The following TDRD10 variants were observed in gnomAD, a reference collection of about 807,000 sequenced individuals.
TDRD10 encodes tudor domain-containing protein 10.
In TDRD10, 40 loss-of-function variants were observed where a neutral mutation model predicts 48.0. The ratio of observed to expected loss-of-function variants is 0.83; its 90% CI spans 0.65 to 1.09. TDRD10 has a LOEUF of 1.09. Among genes scored for constraint, TDRD10 ranks in the 50% least tolerant of loss-of-function variants. The pLI is 0.00. For synonymous variants in TDRD10, 162 were observed against 170.4 expected (o/e 0.95, Z 0.38); for missense variants, 378 against 434.7 (o/e 0.87, Z 1.16).
intron 11 of TDRD10, among the ~76,000 whole-genome samples, chr1:154,546,378 T>C (rs577259557): frequency 1.4e-5 from 2 of 139,340 alleles, no homozygotes; most frequent in Non-Finnish European, 3.1e-5. Context: ...GGCCAAAATA[T>C]ATATATATAT....
At chr1:154,512,695 A>G (rs1282942141) in intron 4 of TDRD10, among the ~76,000 whole-genome samples, 1 of 152,156 alleles carries the variant, frequency 6.6e-6, no homozygotes, top group Admixed American at 6.5e-5. Context: ...ACTGAGAGAC[A>G]TTGGAGCTCT....
intron 4 of TDRD10, among the ~76,000 whole-genome samples, chr1:154,510,908 T>C (rs946608589): frequency 2.1e-4 from 32 of 151,070 alleles, no homozygotes; most frequent in Non-Finnish European, 3.8e-4. Context: ...TAGCGGGGCA[T>C]GGTGGTGGGC....
Position 154,520,313 on chromosome 1 carries a change from C to A in TDRD10, c.151C>A (p.Leu51Met), listed in dbSNP as rs1281414204. Reference protein sequence around the residue: ...LPLDISKEEILYLLKDFNPLD... With the variant: ...LPLDISKEEIMYLLKDFNPLD... ...AACCCTGCTGTTGTAGGAGGAAATTCTGTACCTTCTAAAGGACTTCAACCC... is the reference window on the plus strand; with the variant it reads ...AACCCTGCTGTTGTAGGAGGAAATTATGTACCTTCTAAAGGACTTCAACCC... The change falls in exon 5 of 13, where the codon CTG (leucine) becomes ATG (methionine). Residue 51 changes from leucine (L) to methionine (M), a missense_variant. Leu to Met is a conservative substitution (Grantham distance 15). Coordinates refer to ENST00000368482, the MANE Select transcript of TDRD10 (RefSeq NM_182499.4). 1 of 1,612,986 alleles carries A rather than the reference C, an allele frequency of 6.2e-7. No individual in the cohort carries two copies. Among genetic ancestry groups the A allele is most frequent in the Non-Finnish European group, 8.5e-7 (1 of 1,178,996 alleles).
intron 8 of TDRD10, 31 bp from the exon 9 acceptor site, chr1:154,543,931 TC>T: frequency 1.2e-6 from 2 of 1,612,176 alleles, no homozygotes; most frequent in Non-Finnish European, 1.7e-6. Context: ...GTCCAGTCGT[TC>T]CTTTCCTTGC....
intron 4 of TDRD10, 136 bp from the exon 5 acceptor site, chr1:154,520,167 CA>C (rs370142650): frequency 2.1e-5 from 13 of 625,544 alleles, no homozygotes; most frequent in Non-Finnish European, 2.9e-5. Flanking sequence ...CAAAACATGG[CA>C]CGTACAGCAC....
Position 154,531,708 on chromosome 1 carries a change from C to G in TDRD10, c.369+10229C>G, listed in dbSNP as rs545333105. ...AGCTTCCACAGTGCGTAAGGGGACC[C>G]GAGTGGGTTGCCACTGCTGGCTCGG... On this transcript the variant is annotated intron_variant, in intron 6 of 12. Transcript: ENST00000368482. 2.2e-4 allele frequency among the ~76,000 whole-genome samples: 33 copies of G among 152,310 alleles called. No individual in the cohort carries two copies. In the South Asian group the frequency reaches 2.9e-3, roughly 13 times the overall value.
At position 154,534,486 on chromosome 1, in the gene TDRD10, G is replaced by C. The variant is rs552905682; in HGVS notation, c.370-7538G>C. 4 of 152,238 alleles carry C rather than the reference G, an allele frequency of 2.6e-5. No individual in the cohort carries two copies. In the East Asian group the frequency reaches 7.7e-4, roughly 29 times the overall value. 9.4% of individuals were successfully genotyped at this position (152,238 alleles called of 1,614,324 possible). On this transcript the variant is annotated intron_variant, in intron 6 of 12. Transcript: ENST00000368482. The stretch of plus-strand genomic sequence containing the variant: ...CTGGTGGTTTTCCATAGCCTGCTCC[G>C]ATCAAGTCAGCCACCTTTGATGCTC...
intron 4 of TDRD10, among the ~76,000 whole-genome samples, chr1:154,518,620 G>A (rs1016322811): frequency 6.6e-6 from 1 of 152,064 alleles, no homozygotes; most frequent in African/African-American, 2.4e-5. Context: ...TAGTAGAGAC[G>A]GGGTTTCACC....
intron 6 of TDRD10, among the ~76,000 whole-genome samples, chr1:154,529,047 A>G (rs903391243): frequency 1.3e-5 from 2 of 151,976 alleles, no homozygotes; most frequent in Non-Finnish European, 2.9e-5. Flanking sequence ...TATTTACTCT[A>G]TATACATTTA....
intron 4 of TDRD10, among the ~76,000 whole-genome samples, chr1:154,510,408 C>T (rs555706964): frequency 2.6e-5 from 4 of 151,862 alleles, no homozygotes; most frequent in East Asian, 3.9e-4. Flanking sequence ...CTGGCTAACA[C>T]GGTGAAACCC....
At position 154,544,009 on chromosome 1, in the gene TDRD10, A is replaced by C; in HGVS notation, c.550A>C (p.Ser184Arg). 6.2e-7 allele frequency: 1 copy of C among 1,614,044 alleles called. No homozygotes were observed. The highest frequency in any genetic ancestry group is 8.5e-7 in the Non-Finnish European group (1 of 1,179,996). The change falls in exon 9 of 13, where the codon AGC becomes CGC. Residue 184 changes from serine to arginine, a missense_variant. By Grantham distance (110) the Ser-to-Arg change is moderately radical. Coordinates refer to ENST00000368482, the MANE Select transcript of TDRD10 (RefSeq NM_182499.4). ...CCTGAGGGAATGCTTCCGAGACCTG[A>C]GCTGGCTGGCACTCATCCATAGCGT... The part of the protein sequence containing the change: ...LLLRECFRDL[S>R]WLALIHSVRG...
chr1:154,519,127 A>G (rs1023444949), intron 4 of TDRD10, among the ~76,000 whole-genome samples: 1 of 152,242 alleles, frequency 6.6e-6, no homozygotes, highest in African/African-American at 2.4e-5. Flanking sequence ...GTGAAAACCA[A>G]ATGGAATAAA....
In TDRD10 at chr1:154,520,237, T is replaced by C. The variant is rs1693987366; in HGVS notation, c.142-67T>C. 8 of 1,181,502 alleles carry C rather than the reference T, an allele frequency of 6.8e-6. No homozygotes were observed. The South Asian group carries it at 9.7e-5, about 14-fold the overall frequency. 73.2% of individuals were successfully genotyped at this position (1,181,502 alleles called of 1,614,324 possible). On this transcript the variant is annotated intron_variant, in intron 4 of 12. Transcript: ENST00000368482. Reference sequence around the variant, plus strand: ...AGTCCAGACTAGCTGGCTGGGGATCTGAAACCTTGAGAAGTGGTTGTAAGT... The same window carrying C: ...AGTCCAGACTAGCTGGCTGGGGATCCGAAACCTTGAGAAGTGGTTGTAAGT...
intron 4 of TDRD10, 135 bp from the exon 5 acceptor site, chr1:154,520,169 C>G: frequency 1.6e-6 from 1 of 630,720 alleles, no homozygotes; most frequent in Non-Finnish European, 2.8e-6. Context: ...AAACATGGCA[C>G]GTACAGCACA....
rs1274726884 is a variant in TDRD10, at chr1:154,508,444, A to T, written c.104A>T (p.Glu35Val). 1.9e-6 allele frequency: 3 copies of T among 1,610,404 alleles called. No individual in the cohort carries two copies. The Admixed American group carries it at 5.0e-5, about 27-fold the overall frequency. ...KSPGFKKRET[E>V]VYVGNLPLDI... ...TTAGGATTCAAGAAAAGAGAGACAG[A>T]GGTGTATGTTGGCAATCTTCCACTG... The change falls in exon 4 of 13, where the codon GAG (glutamate) becomes GTG (valine). Residue 35 changes from glutamate to valine, a missense_variant. Physicochemically the swap from Glu to Val is moderately radical, Grantham distance 121. Around this residue, in one of 2 missense-constraint regions of TDRD10, gnomAD observed 310 missense variants for 323.6 expected, o/e 0.96. Coordinates refer to ENST00000368482, the MANE Select transcript of TDRD10 (RefSeq NM_182499.4).
At chr1:154,532,153 G>A (rs938233930) in intron 6 of TDRD10, among the ~76,000 whole-genome samples, 5 of 152,198 alleles carry the variant, frequency 3.3e-5, no homozygotes, top group Admixed American at 6.5e-5. Flanking sequence ...GTTGCTCATC[G>A]GGGAGGCTCA....
At chr1:154,509,288 T>A (rs1177163037) in intron 4 of TDRD10, among the ~76,000 whole-genome samples, 1 of 152,186 alleles carries the variant, frequency 6.6e-6, no homozygotes, top group Non-Finnish European at 1.5e-5. Flanking sequence ...CATTTTCCCT[T>A]GCTAACCAGT....
intron 1 of TDRD10, among the ~76,000 whole-genome samples, chr1:154,505,653 T>C (rs569095978): frequency 1.8e-4 from 28 of 152,330 alleles, no homozygotes; most frequent in Admixed American, 4.6e-4. Context: ...TTTGACGCCT[T>C]GTTATCTGTA....
At chr1:154,533,532 A>C (rs889485938) in intron 6 of TDRD10, among the ~76,000 whole-genome samples, 3 of 151,710 alleles carry the variant, frequency 2.0e-5, no homozygotes, top group African/African-American at 4.8e-5. Context: ...GAGTCTTCTT[A>C]TGTTTGTTTT....
Sources: allele counts gnomAD v4.1 joint callset (sites outside exome capture counted in the v4.1 genomes callset), GRCh38; gene constraint gnomAD v4.1.1; regional missense constraint gnomAD v4.1.1; transcripts MANE v1.5; gene names NCBI Gene and HGNC (gene_info 2026-07-23, HGNC 2026-07-21).